The following RNF11 variants were observed in gnomAD, a reference collection of about 807,000 sequenced individuals.
The protein encoded by RNF11 is ring finger protein 11.
A neutral mutation model predicts 15.8 loss-of-function variants in RNF11; 4 were observed. The ratio of observed to expected loss-of-function variants is 0.25; its 90% CI spans 0.12 to 0.58. The LOEUF is 0.58. Ranked by LOEUF, RNF11 falls within the 20% of genes least tolerant of loss-of-function variation. RNF11 has a pLI of 0.91. For missense variants in RNF11, 139 were observed against 194.4 expected (o/e 0.71, Z 1.70); for synonymous variants, 68 against 72.3 (o/e 0.94, Z 0.30).
chr1:51,238,939 A>C lies in RNF11; in HGVS notation c.123+2060A>C, dbSNP rs147952737. ...AAGACGGGGTTTCACCATGTTGGTC[A>C]GGCTGGTCTTGAACTCCTGACCTCA... On this transcript the variant is annotated intron_variant, in intron 1 of 2. Coordinates refer to ENST00000242719, the MANE Select transcript of RNF11 (RefSeq NM_014372.5). 5.5e-3 allele frequency among the ~76,000 whole-genome samples: 839 copies of C among 152,258 alleles called. 8 individuals carry two copies. The highest frequency in any genetic ancestry group is 0.019 in the African/African-American group (776 of 41,534).
intron 1 of RNF11, among the ~76,000 whole-genome samples, chr1:51,237,424 GTATATATATATATATGTGTATATA>G (rs1192720586): frequency 1.0e-4 from 14 of 135,904 alleles, no homozygotes; most frequent in African/African-American, 1.5e-4. Flanking sequence ...GTGTGTGTGT[GTATATATATATATATGTGTATATA>G]TATATATATA....
intron 1 of RNF11, among the ~76,000 whole-genome samples, chr1:51,242,648 T>A (rs1646835573): frequency 6.6e-6 from 1 of 152,134 alleles, no homozygotes; most frequent in Non-Finnish European, 1.5e-5. Context: ...TTGTTTTTTT[T>A]AGAGATGGAG....
At chr1:51,248,503 C>G (rs1646863155) in intron 1 of RNF11, among the ~76,000 whole-genome samples, 1 of 152,116 alleles carries the variant, frequency 6.6e-6, no homozygotes, top group African/African-American at 2.4e-5. Context: ...CGCCCGGCCT[C>G]TAGTTTCTTC....
intron 1 of RNF11, among the ~76,000 whole-genome samples, chr1:51,244,653 C>T (rs1341224093): frequency 6.6e-6 from 1 of 152,138 alleles, no homozygotes; most frequent in South Asian, 2.1e-4. Context: ...GGATTACAAG[C>T]GTGAGCCACC....
chr1:51,245,459 CT>C lies in RNF11; in HGVS notation c.123+8589del, dbSNP rs201131292. Among the ~76,000 whole-genome samples, 62 of 150,344 alleles carry C rather than the reference CT, an allele frequency of 4.1e-4. No homozygotes were observed. In the East Asian group the frequency reaches 0.012, roughly 30 times the overall value. On this transcript the variant is annotated intron_variant, in intron 1 of 2. Coordinates refer to ENST00000242719, the MANE Select transcript of RNF11 (RefSeq NM_014372.5). ...TGAGCCACCATGCCCACCCAACAGCCTTTTTTTTTGGAGATGGAGTCTTACT... is the reference window on the plus strand; with the variant it reads ...TGAGCCACCATGCCCACCCAACAGCCTTTTTTTTGGAGATGGAGTCTTACT...
chr1:51,256,469 A>G (rs1646904944), intron 1 of RNF11, among the ~76,000 whole-genome samples: 1 of 152,208 alleles, frequency 6.6e-6, no homozygotes, highest in African/African-American at 2.4e-5. Flanking sequence ...TACCTATCGA[A>G]GGACACCATA....
chr1:51,244,485 C>T (rs952020676), intron 1 of RNF11, among the ~76,000 whole-genome samples: 3 of 152,062 alleles, frequency 2.0e-5, no homozygotes, highest in Non-Finnish European at 2.9e-5. Context: ...CCCGGGTTCA[C>T]GCCATTCTCC....
chr1:51,251,589 A>C, intron 1 of RNF11: 1 of 533,772 alleles, frequency 1.9e-6, no homozygotes, highest in Non-Finnish European at 3.3e-6. Context: ...AAAATATGTA[A>C]ATACTAGTCC....
chr1:51,247,321 A>G (rs945777856), intron 1 of RNF11, among the ~76,000 whole-genome samples: 58 of 152,020 alleles, frequency 3.8e-4, no homozygotes, highest in African/African-American at 1.3e-3. Context: ...GCTCAAGCCA[A>G]CCTCCTGGTT....
chr1:51,237,444 ATATATATATATATATATATG>A (rs1646810147), intron 1 of RNF11, among the ~76,000 whole-genome samples: 1 of 126,500 alleles, frequency 7.9e-6, no homozygotes. Context: ...ATATATGTGT[ATATATATATATATATATATG>A]TATATAAATT....
intron 1 of RNF11, among the ~76,000 whole-genome samples, chr1:51,237,928 T>G (rs1646812352): frequency 6.6e-6 from 1 of 152,232 alleles, no homozygotes; most frequent in Non-Finnish European, 1.5e-5. Context: ...CTCATTCCTG[T>G]GTAAACCAAT....
intron 1 of RNF11, among the ~76,000 whole-genome samples, chr1:51,267,225 G>A (rs1364204159): frequency 1.3e-5 from 2 of 152,102 alleles, no homozygotes; most frequent in East Asian, 3.8e-4. Flanking sequence ...CCATATTTAG[G>A]CCCTGAAATA....
intron 1 of RNF11, among the ~76,000 whole-genome samples, chr1:51,256,912 G>A (rs1356931855): frequency 2.0e-5 from 3 of 152,164 alleles, no homozygotes; most frequent in Non-Finnish European, 4.4e-5. Context: ...GACCTCAGGT[G>A]ATCCTCCCGC....
chr1:51,272,242 ATAGT>A lies in RNF11; in HGVS notation c.*923_*926del, dbSNP rs1056788010. ...GCACCGTGGTGAGACCTAATGAGAA[ATAGT>A]TACTCAGTTGTAAAAATTTTGATTT... On this transcript the variant is annotated 3_prime_UTR_variant, in exon 3 of 3. Transcript: ENST00000242719. 3.1e-4 allele frequency: 48 copies of A among 152,728 alleles called. No homozygotes were observed. The highest frequency in any genetic ancestry group is 1.1e-3 in the Admixed American group (17 of 15,298). 9.5% of individuals were successfully genotyped at this position (152,728 alleles called of 1,614,324 possible).
At chr1:51,241,555 C>T (rs2148064657) in intron 1 of RNF11, among the ~76,000 whole-genome samples, 2 of 152,272 alleles carry the variant, frequency 1.3e-5, no homozygotes, top group South Asian at 4.1e-4. Flanking sequence ...GTATATATAT[C>T]ACCGCAAGAT....
intron 1 of RNF11, among the ~76,000 whole-genome samples, chr1:51,249,556 T>A (rs1200549188): frequency 6.6e-6 from 1 of 152,220 alleles, no homozygotes; most frequent in Non-Finnish European, 1.5e-5. Context: ...ATCACCCATA[T>A]TTGTTTTGTG....
intron 1 of RNF11, among the ~76,000 whole-genome samples, chr1:51,257,894 C>T (rs1210361429): frequency 8.4e-6 from 1 of 119,536 alleles, no homozygotes; most frequent in Non-Finnish European, 1.6e-5. Flanking sequence ...GTTGCTGATG[C>T]TCAGGCTGGA....
intron 1 of RNF11, among the ~76,000 whole-genome samples, chr1:51,247,454 GTT>G (rs111522620): frequency 0.022 from 3,134 of 142,740 alleles, 93 homozygotes; most frequent in African/African-American, 0.067. Context: ...TTGTTTTTTT[GTT>G]TTTTTTTTTT....
intron 1 of RNF11, among the ~76,000 whole-genome samples, chr1:51,269,280 T>G (rs1054663918): frequency 6.6e-6 from 1 of 152,132 alleles, no homozygotes; most frequent in African/African-American, 2.4e-5. Context: ...TTAAATATTA[T>G]TATAGGCCAG....
Sources: gnomAD v4.1 joint callset for allele counts (sites outside exome capture counted in the v4.1 genomes callset) on GRCh38, gnomAD v4.1.1 for gene constraint, MANE v1.5 for transcripts, NCBI Gene and HGNC (gene_info 2026-07-23, HGNC 2026-07-21) for gene names.